DSE: variants seen among roughly 807,000 people sequenced by gnomAD.
DSE encodes dermatan sulfate epimerase.
DSE carries 36 observed loss-of-function variants against 84.4 expected under a neutral mutation model. The ratio of observed to expected loss-of-function variants is 0.43; its 90% CI spans 0.33 to 0.56. The LOEUF (loss-of-function observed/expected upper bound fraction) is 0.56. Ranked by LOEUF, DSE falls within the 20% of genes least tolerant of loss-of-function variation. The pLI is 0.06. For missense variants in DSE, 862 were observed against 1,169.6 expected (o/e 0.74, Z 3.84); for synonymous variants, 410 against 430.1 (o/e 0.95, Z 0.58).
At chr6:116,344,286 C>T (rs1777807057) in intron 2 of DSE, among the ~76,000 whole-genome samples, 1 of 152,224 alleles carries the variant, frequency 6.6e-6, no homozygotes, top group Non-Finnish European at 1.5e-5. Flanking sequence ...ACGGAGAATG[C>T]CACAAAGATA....
chr6:116,375,768 A>G (rs1443131789), intron 1 of DSE, among the ~76,000 whole-genome samples: 1 of 152,246 alleles, frequency 6.6e-6, no homozygotes, highest in Non-Finnish European at 1.5e-5. Flanking sequence ...ATACATCTAC[A>G]TAAATACTTG....
At position 116,399,694 on chromosome 6, in the gene DSE, G is replaced by A. The variant is rs766511303; in HGVS notation, c.416+28G>A. On this transcript the variant is annotated intron_variant, in intron 2 of 5. Transcript: ENST00000644252. Reference sequence around the variant, plus strand: ...AGATTTTTGTCTTGTTCTTCTTACTGTGGTAACTCTGCATTAGAAAGAAAC... The same window carrying A: ...AGATTTTTGTCTTGTTCTTCTTACTATGGTAACTCTGCATTAGAAAGAAAC... The A allele has an allele frequency of 3.1e-6, 5 of 1,592,168 alleles. No homozygotes were observed. The Admixed American group carries it at 8.6e-5, about 27-fold the overall frequency.
chr6:116,333,957 GC>G (rs2114798273), intron 2 of DSE, among the ~76,000 whole-genome samples: 1 of 152,210 alleles, frequency 6.6e-6, no homozygotes, highest in African/African-American at 2.4e-5. Context: ...GGGTGACAGA[GC>G]AAGAACCCCT....
intron 1 of DSE, among the ~76,000 whole-genome samples, chr6:116,398,664 C>T (rs1056998637): frequency 1.4e-4 from 22 of 152,142 alleles, no homozygotes; most frequent in African/African-American, 5.1e-4. Flanking sequence ...GGATATTTAA[C>T]CTTATTCATA....
At position 116,379,356 on chromosome 6, in the gene DSE, C is replaced by G. The variant is rs145559369; in HGVS notation, c.-54+8235C>G. Among the ~76,000 whole-genome samples the G allele has an allele frequency of 6.7e-3, 1,019 of 152,188 alleles. 19 individuals carry two copies. The highest frequency in any genetic ancestry group is 0.047 in the South Asian group (228 of 4,814). ...ATTTCAAAATACTTTTCAAAATTAC[C>G]TTTCTCAAAAGAAACTGATTCTTGG... is the stretch of plus-strand genomic sequence containing the variant. On this transcript the variant is annotated intron_variant, in intron 1 of 5. Coordinates refer to ENST00000644252, the MANE Select transcript of DSE (RefSeq NM_013352.4).
rs183759954 is a variant in DSE, at chr6:116,402,166, A to G, written c.416+2500A>G. Among the ~76,000 whole-genome samples, 33 of 152,304 alleles carry G rather than the reference A, an allele frequency of 2.2e-4. No homozygotes were observed. In the East Asian group the frequency reaches 6.2e-3, roughly 28 times the overall value. ...ATTTTTACCTATGGCAAAGGGTACA[A>G]ACATTGGGTTCTTAAAGCCTAAGCT... On this transcript the variant is annotated intron_variant, in intron 2 of 5. Coordinates refer to ENST00000644252, the MANE Select transcript of DSE (RefSeq NM_013352.4).
chr6:116,285,035 A>G (rs900906185), intron 2 of DSE, among the ~76,000 whole-genome samples: 3 of 152,192 alleles, frequency 2.0e-5, no homozygotes, highest in African/African-American at 4.8e-5. Context: ...GTATATACCC[A>G]GTAATGGGAT....
chr6:116,316,820 CTACTACTAT>C (rs1305683048), intron 2 of DSE, among the ~76,000 whole-genome samples: 1 of 97,530 alleles, frequency 1.0e-5, no homozygotes, highest in African/African-American at 5.1e-5. Context: ...ACTACTACTA[CTACTACTAT>C]TATTATTATT....
intron 2 of DSE, among the ~76,000 whole-genome samples, chr6:116,420,166 C>T (rs1782978450): frequency 1.3e-5 from 2 of 152,154 alleles, no homozygotes; most frequent in Non-Finnish European, 1.5e-5. Context: ...TCTCTTGGCA[C>T]ATCTTTGTTT....
chr6:116,430,430 C>G (rs374714288), intron 3 of DSE, among the ~76,000 whole-genome samples: 4 of 152,198 alleles, frequency 2.6e-5, no homozygotes, highest in Admixed American at 1.3e-4. Flanking sequence ...TACAAATCCT[C>G]TCTTGCCAAC....
intron 1 of DSE, among the ~76,000 whole-genome samples, chr6:116,393,236 C>A (rs1781027618): frequency 6.6e-6 from 1 of 152,150 alleles, no homozygotes; most frequent in South Asian, 2.1e-4. Context: ...TTCTTTGGGG[C>A]AAAACCTCTA....
chr6:116,402,861 A>G (rs1340272400), intron 2 of DSE, among the ~76,000 whole-genome samples: 1 of 152,212 alleles, frequency 6.6e-6, no homozygotes, highest in Non-Finnish European at 1.5e-5. Flanking sequence ...TGGTATTAAA[A>G]AGAAGTGCCT....
exon 2 of DSE, chr6:116,258,626 G>T (rs778452325): frequency 6.2e-7 from 1 of 1,612,438 alleles, no homozygotes. Flanking sequence ...TTAATGTTCC[G>T]GAAGGCAGCC....
At chr6:116,368,943 C>CGG (rs376133129), upstream of DSE, among the ~76,000 whole-genome samples, 24,105 of 83,824 alleles carry the variant, frequency 0.29, 2,412 homozygotes, top group East Asian at 0.4. Flanking sequence ...GGCGGGGGGA[C>CGG]GGGGGGGGCT....
At position 116,441,971 on chromosome 6, in the gene DSE, G is replaced by C. The variant is rs1034605356; in HGVS notation, c.*4626G>C. On this transcript the variant is annotated 3_prime_UTR_variant, in exon 6 of 6. Transcript: ENST00000644252. ...TAACAGTAATAGTGCAGGATGTCAAGTAGTGGTAAGTACTGTGGAGAATAA... is the reference window on the plus strand; with the variant it reads ...TAACAGTAATAGTGCAGGATGTCAACTAGTGGTAAGTACTGTGGAGAATAA... The C allele has an allele frequency of 2.6e-5, 4 of 152,294 alleles. No individual in the cohort carries two copies. The highest frequency in any genetic ancestry group is 5.9e-5 in the Non-Finnish European group (4 of 68,050). 9.4% of individuals were successfully genotyped at this position (152,294 alleles called of 1,614,324 possible).
chr6:116,294,631 T>G (rs1243275867), intron 2 of DSE, among the ~76,000 whole-genome samples: 1 of 152,088 alleles, frequency 6.6e-6, no homozygotes, highest in Non-Finnish European at 1.5e-5. Context: ...AGGGGAAGTA[T>G]TTGTAAAGGG....
chr6:116,368,004 G>A (rs1325034283), upstream of DSE, among the ~76,000 whole-genome samples: 2 of 152,156 alleles, frequency 1.3e-5, no homozygotes, highest in Non-Finnish European at 2.9e-5. Context: ...AGAAAAGGAA[G>A]ACACAATTTT....
chr6:116,332,005 T>TA (rs139268917), intron 2 of DSE, among the ~76,000 whole-genome samples: 8,269 of 152,030 alleles, frequency 0.054, 676 homozygotes, highest in African/African-American at 0.18. Flanking sequence ...ACTATATATA[T>TA]AAAAAAACTC....
At chr6:116,433,902 G>C (rs1783997595) in intron 5 of DSE, among the ~76,000 whole-genome samples, 1 of 151,996 alleles carries the variant, frequency 6.6e-6, no homozygotes, top group Non-Finnish European at 1.5e-5. Context: ...TCCTACACTT[G>C]CACTATTTCA....
Sources: gnomAD v4.1 joint callset for allele counts (sites outside exome capture counted in the v4.1 genomes callset) on GRCh38, gnomAD v4.1.1 for gene constraint, MANE v1.5 for transcripts, NCBI Gene and HGNC (gene_info 2026-07-23, HGNC 2026-07-21) for gene names.